The following UBE2W variants were observed in gnomAD, a reference collection of about 807,000 sequenced individuals.
UBE2W encodes the protein ubiquitin conjugating enzyme E2 W.
Under a neutral mutation model 27.2 loss-of-function variants are expected in UBE2W, and 18 were observed. The ratio of observed to expected loss-of-function variants is 0.66; its 90% CI spans 0.46 to 0.98. UBE2W has a LOEUF of 0.98. UBE2W is among the 50% of genes least tolerant of loss of function. The probability of loss-of-function intolerance (pLI) is 0.00; values close to 1 mark genes in which losing one functional copy is unlikely to be tolerated. For missense variants in UBE2W, 90 were observed against 180.2 expected (o/e 0.50, Z 2.87); for synonymous variants, 53 against 57.2 (o/e 0.93, Z 0.33).
chr8:73,875,497 T>C (rs1190087963), intron 1 of UBE2W, among the ~76,000 whole-genome samples: 2 of 152,188 alleles, frequency 1.3e-5, no homozygotes, highest in African/African-American at 2.4e-5. Context: ...TTTTACTCAT[T>C]ACCAAGTAAT....
intron 1 of UBE2W, among the ~76,000 whole-genome samples, chr8:73,855,238 A>T (rs1472030069): frequency 6.6e-6 from 1 of 152,226 alleles, no homozygotes. Context: ...TTACTGTGAT[A>T]TGCAATTTAA....
intron 1 of UBE2W, among the ~76,000 whole-genome samples, chr8:73,875,411 ATACAT>A (rs1812179767): frequency 1.3e-5 from 2 of 152,230 alleles, no homozygotes; most frequent in Non-Finnish European, 2.9e-5. Flanking sequence ...CACTGACAGA[ATACAT>A]TAAAGCAGTT....
chr8:73,867,501 C>A (rs1811828051), intron 1 of UBE2W, among the ~76,000 whole-genome samples: 1 of 151,390 alleles, frequency 6.6e-6, no homozygotes, highest in Admixed American at 6.6e-5. Flanking sequence ...CGCCACTGCA[C>A]TCCAGTCTGG....
intron 1 of UBE2W, among the ~76,000 whole-genome samples, chr8:73,864,723 C>T (rs1398590552): frequency 1.7e-5 from 2 of 117,530 alleles, no homozygotes; most frequent in Non-Finnish European, 3.2e-5. Context: ...ATTACAGGTG[C>T]ATGCCACCAT....
At chr8:73,870,327 G>C in intron 1 of UBE2W, 1 of 1,565,670 alleles carries the variant, frequency 6.4e-7, no homozygotes, top group African/African-American at 1.4e-5. Flanking sequence ...AAGACCTCAT[G>C]TAACACATGG....
chr8:73,805,786 T>A, intron 4 of UBE2W, 60 bp from the exon 5 acceptor site: 2 of 988,470 alleles, frequency 2.0e-6, no homozygotes, highest in Non-Finnish European at 2.9e-6. Context: ...GGTGACAGTT[T>A]TAATAAAAGC....
At chr8:73,814,496 G>A (rs1304678523) in intron 3 of UBE2W, among the ~76,000 whole-genome samples, 6 of 152,152 alleles carry the variant, frequency 3.9e-5, no homozygotes, top group Non-Finnish European at 8.8e-5. Flanking sequence ...GAATGTACAT[G>A]AATCAAGTTT....
chr8:73,786,684 G>C lies in UBE2W; in HGVS notation c.*7418C>G, dbSNP rs535448944. The C allele has an allele frequency of 1.0e-6, 1 of 985,454 alleles. No individual in the cohort carries two copies. Among genetic ancestry groups the C allele is most frequent in the African/African-American group, 1.7e-5 (1 of 57,364 alleles). The allele number at this position is 985,454 out of a possible 1,614,324, so 61.0% of individuals were successfully genotyped here. On this transcript the variant is annotated 3_prime_UTR_variant, in exon 6 of 6. Transcript: ENST00000602593. ...TACTGCTTATGAAACAAGGTTTGTGGACAGCTGAAGAGCAGCCTAGGGACA... is the reference window on the plus strand; with the variant it reads ...TACTGCTTATGAAACAAGGTTTGTGCACAGCTGAAGAGCAGCCTAGGGACA...
intron 4 of UBE2W, among the ~76,000 whole-genome samples, chr8:73,805,961 T>C (rs1400614439): frequency 6.6e-6 from 1 of 152,166 alleles, no homozygotes; most frequent in Non-Finnish European, 1.5e-5. Flanking sequence ...GGTTCTAGCC[T>C]GGCCAACATG....
rs1563561697 is a variant in UBE2W at position 73,787,885 on chromosome 8, T to C, written c.*6217A>G. ...TTCACTGAAAACACTCAGTCTTTAG[T>C]TGGGACTTATTAAAACACTAAAACT... On this transcript the variant is annotated 3_prime_UTR_variant, in exon 6 of 6. Coordinates refer to ENST00000602593, the MANE Select transcript of UBE2W (RefSeq NM_018299.6). The C allele has an allele frequency of 1.0e-6, 1 of 985,332 alleles. No homozygotes were observed. The highest frequency in any genetic ancestry group is 1.7e-5 in the African/African-American group (1 of 57,244). 61.0% of individuals were successfully genotyped at this position (985,332 alleles called of 1,614,324 possible).
At chr8:73,877,253 A>G (rs1454034152) in intron 1 of UBE2W, among the ~76,000 whole-genome samples, 3 of 152,254 alleles carry the variant, frequency 2.0e-5, no homozygotes, top group African/African-American at 7.2e-5. Flanking sequence ...TTCAACTAGC[A>G]TTCCACTGTT....
chr8:73,873,688 C>A (rs1009269585), intron 1 of UBE2W, among the ~76,000 whole-genome samples: 1 of 152,042 alleles, frequency 6.6e-6, no homozygotes, highest in Non-Finnish European at 1.5e-5. Context: ...TGTGAATAAT[C>A]CAAAATAATG....
chr8:73,842,291 G>A (rs904330640), intron 1 of UBE2W, among the ~76,000 whole-genome samples: 2 of 151,982 alleles, frequency 1.3e-5, no homozygotes, highest in Non-Finnish European at 2.9e-5. Flanking sequence ...CACTCTGGGA[G>A]GCCGAGGCGG....
downstream of UBE2W, among the ~76,000 whole-genome samples, chr8:73,782,414 G>A (rs111351943): frequency 6.6e-3 from 999 of 151,664 alleles, 7 homozygotes; most frequent in African/African-American, 0.015. Context: ...TCCCCTTCCC[G>A]CCATCCCATT....
At chr8:73,840,909 C>G (rs187404622) in intron 1 of UBE2W, among the ~76,000 whole-genome samples, 78 of 152,214 alleles carry the variant, frequency 5.1e-4, no homozygotes, top group Admixed American at 1.0e-3. Context: ...ATAGAGGTCT[C>G]ACATTTTGTA....
chr8:73,783,192 CTT>C (rs1807873423), downstream of UBE2W, among the ~76,000 whole-genome samples: 1 of 152,004 alleles, frequency 6.6e-6, no homozygotes, highest in Non-Finnish European at 1.5e-5. Flanking sequence ...AAGATATTGT[CTT>C]GTTTTCATAG....
chr8:73,854,961 G>A (rs1811226085), intron 1 of UBE2W, among the ~76,000 whole-genome samples: 1 of 152,210 alleles, frequency 6.6e-6, no homozygotes, highest in African/African-American at 2.4e-5. Flanking sequence ...GCACTGTGCT[G>A]TATTTATCAA....
chr8:73,818,536 T>C (rs569387030), intron 3 of UBE2W, among the ~76,000 whole-genome samples: 1 of 152,334 alleles, frequency 6.6e-6, no homozygotes, highest in African/African-American at 2.4e-5. Context: ...TACAAGGGGC[T>C]ATAAATGTCC....
At chr8:73,781,120 A>C (rs990021304) in intron 4 of UBE2W, among the ~76,000 whole-genome samples, 2 of 151,734 alleles carry the variant, frequency 1.3e-5, no homozygotes, top group African/African-American at 4.8e-5. Context: ...AAATACAAAA[A>C]TTAGCCAGGC....
Sources: allele counts gnomAD v4.1 joint callset (sites outside exome capture counted in the v4.1 genomes callset), GRCh38; gene constraint gnomAD v4.1.1; transcripts MANE v1.5; gene names NCBI Gene and HGNC (gene_info 2026-07-23, HGNC 2026-07-21).